AGK: variants seen among roughly 807,000 people sequenced by gnomAD.
AGK encodes the protein acylglycerol kinase, mitochondrial.
AGK carries 52 observed loss-of-function variants against 66.4 expected under a neutral mutation model. The ratio of observed to expected loss-of-function variants is 0.78; its 90% CI spans 0.63 to 0.99. AGK has a LOEUF of 0.99. Ranked by LOEUF, AGK falls within the 50% of genes least tolerant of loss-of-function variation. The pLI is 0.00. For synonymous variants in AGK, 182 were observed against 181.1 expected, an observed-to-expected ratio of 1.00 and a Z score of -0.04; for missense variants, 451 against 506.6, an observed-to-expected ratio of 0.89 and a Z score of 1.05.
chr7:141,604,582 A>ATTTT (rs201589014), intron 5 of AGK, among the ~76,000 whole-genome samples: 1 of 135,374 alleles, frequency 7.4e-6, no homozygotes, highest in African/African-American at 2.8e-5. Context: ...ATCTTGTAGA[A>ATTTT]TTTTTTTTTT....
intron 5 of AGK, among the ~76,000 whole-genome samples, chr7:141,606,678 G>A (rs1052308052): frequency 6.6e-6 from 1 of 152,050 alleles, no homozygotes; most frequent in Non-Finnish European, 1.5e-5. Flanking sequence ...GTTTTCATTT[G>A]CATTTGCTCT....
At chr7:141,558,135 T>C (rs1352032884) in intron 2 of AGK, among the ~76,000 whole-genome samples, 2 of 152,088 alleles carry the variant, frequency 1.3e-5, no homozygotes, top group African/African-American at 2.4e-5. Flanking sequence ...ACTTATAATG[T>C]CTATAATGTT....
At chr7:141,643,322 G>GT (rs1312231052) in intron 13 of AGK, among the ~76,000 whole-genome samples, 1 of 152,148 alleles carries the variant, frequency 6.6e-6, no homozygotes, top group Non-Finnish European at 1.5e-5. Context: ...CGCCTCCTGT[G>GT]TATGTATCCC....
At chr7:141,615,643 T>C (rs529250263) in intron 8 of AGK, 78 bp downstream of exon 8, 130 of 1,134,072 alleles carry the variant, frequency 1.1e-4, no homozygotes, top group Non-Finnish European at 1.6e-4. Context: ...ATGCTATAAC[T>C]TTCTTGAGTT....
chr7:141,590,175 T>C (rs899908717), intron 2 of AGK, among the ~76,000 whole-genome samples: 2 of 152,194 alleles, frequency 1.3e-5, no homozygotes, highest in African/African-American at 4.8e-5. Flanking sequence ...TATTCAGGGC[T>C]ATTGTCTTTT....
chr7:141,621,270 A>C (rs575186339), intron 8 of AGK, among the ~76,000 whole-genome samples: 1 of 152,344 alleles, frequency 6.6e-6, no homozygotes, highest in Non-Finnish European at 1.5e-5. Flanking sequence ...CCTGGAAAAT[A>C]AGAGAAATAT....
At chr7:141,643,759 A>G (rs1797342035) in intron 13 of AGK, among the ~76,000 whole-genome samples, 1 of 152,164 alleles carries the variant, frequency 6.6e-6, no homozygotes, top group South Asian at 2.1e-4. Flanking sequence ...AGATATCTTT[A>G]TCTGCATTTT....
chr7:141,569,134 AG>A (rs952482364), intron 2 of AGK, among the ~76,000 whole-genome samples: 2 of 152,224 alleles, frequency 1.3e-5, no homozygotes, highest in African/African-American at 4.8e-5. Context: ...CCACCTTTCA[AG>A]TTCTATGGTC....
rs773776227 is a variant in AGK, at chr7:141,555,600, A to G, written c.101+33A>G. On this transcript the variant is annotated intron_variant, in intron 2 of 15. Coordinates refer to ENST00000649286, the MANE Select transcript of AGK (RefSeq NM_018238.4). This position sits in a 1 kb window ranked among gnomAD's most constrained non-coding sequence, Gnocchi z 4.2. ...TCTGACAGCCCCATCCCACCTTTGC[A>G]TCTGCAGCAAAACAGCCCCAAAGGG... The G allele has an allele frequency of 3.3e-6, 5 of 1,538,126 alleles. No homozygotes were observed. In the African/African-American group the frequency reaches 4.1e-5, roughly 13 times the overall value.
chr7:141,561,230 T>A (rs1309488434), intron 2 of AGK, among the ~76,000 whole-genome samples: 1 of 152,228 alleles, frequency 6.6e-6, no homozygotes, highest in East Asian at 1.9e-4. Context: ...GCTATAAACA[T>A]GCATATGCAA....
In AGK at chr7:141,596,512, T is replaced by C. The variant is rs190714973; in HGVS notation, c.142-50T>C. On this transcript the variant is annotated intron_variant, in intron 3 of 15. Coordinates refer to ENST00000649286, the MANE Select transcript of AGK (RefSeq NM_018238.4). ...TGGAATGAAAGAATACATGTGACAT[T>C]TACCAAATAAATGGACTTTTACTGA... The C allele has an allele frequency of 1.2e-4, 178 of 1,524,934 alleles. 1 individual carries two copies. The African/African-American group carries it at 2.1e-3, about 18-fold the overall frequency. 94.5% of individuals were successfully genotyped at this position (1,524,934 alleles called of 1,614,324 possible). A position where few individuals can be genotyped will look rare whatever the true frequency, so the allele number is the denominator to read the frequency against.
intron 10 of AGK, among the ~76,000 whole-genome samples, chr7:141,635,075 C>T (rs1277182637): frequency 4.6e-5 from 7 of 152,028 alleles, no homozygotes; most frequent in Admixed American, 3.9e-4. Flanking sequence ...CTTAGCTTTC[C>T]CCAAAAAAGT....
At chr7:141,567,547 T>C (rs759684899) in intron 2 of AGK, among the ~76,000 whole-genome samples, 6 of 152,172 alleles carry the variant, frequency 3.9e-5, no homozygotes, top group African/African-American at 1.4e-4. Flanking sequence ...CTCAGCAGGT[T>C]GCAGCAGTTG....
intron 2 of AGK, among the ~76,000 whole-genome samples, chr7:141,583,869 G>T (rs912274164): frequency 6.6e-6 from 1 of 151,968 alleles, no homozygotes; most frequent in African/African-American, 2.4e-5. Context: ...AGAGAGGTTG[G>T]AGAAGAGAGT....
At chr7:141,567,442 C>T (rs1027495424) in intron 2 of AGK, among the ~76,000 whole-genome samples, 6 of 151,228 alleles carry the variant, frequency 4.0e-5, no homozygotes, top group Non-Finnish European at 8.8e-5. Context: ...AATTTTTTTT[C>T]TCCATTGAGA....
At chr7:141,633,810 A>T in intron 9 of AGK, 91 bp from the exon 10 acceptor site, 1 of 1,148,834 alleles carries the variant, frequency 8.7e-7, no homozygotes, top group Non-Finnish European at 1.3e-6. Context: ...TTTGATGAAA[A>T]GTAGGCCATG....
At chr7:141,645,682 C>G (rs113385008) in intron 13 of AGK, among the ~76,000 whole-genome samples, 1 of 151,884 alleles carries the variant, frequency 6.6e-6, no homozygotes, top group African/African-American at 2.4e-5. Context: ...TTATAGACAC[C>G]CTTTATCAGA....
chr7:141,593,393 C>G (rs766120288), intron 3 of AGK: 1 of 703,930 alleles, frequency 1.4e-6, no homozygotes, highest in Non-Finnish European at 2.6e-6. Flanking sequence ...TGACGCCCAC[C>G]CCTATAGACT....
intron 6 of AGK, among the ~76,000 whole-genome samples, chr7:141,613,425 C>T (rs762268683): frequency 5.3e-5 from 8 of 152,096 alleles, no homozygotes; most frequent in Non-Finnish European, 8.8e-5. Context: ...TTGAAACCAG[C>T]GTGACCAACA....
Sources: gnomAD v4.1 joint callset for allele counts (sites outside exome capture counted in the v4.1 genomes callset) on GRCh38, gnomAD v4.1.1 for gene constraint, Gnocchi (gnomAD v3.1) non-coding constraint, MANE v1.5 for transcripts, NCBI Gene and HGNC (gene_info 2026-07-23, HGNC 2026-07-21) for gene names.